Variants in CMIP observed in about 807,000 individuals in gnomAD.
CMIP encodes c-Maf inducing protein, also known as C-Maf-inducing protein.
Under a neutral mutation model 97.3 loss-of-function variants are expected in CMIP, and 13 were observed. The observed-to-expected ratio is 0.13, with a 90% confidence interval of 0.09 to 0.21. The LOEUF is 0.21. Among genes scored for constraint, CMIP ranks in the 10% least tolerant of loss-of-function variants. The pLI is 1.00. For missense variants in CMIP, 847 were observed against 1,024.9 expected (o/e 0.83, Z 2.37); for synonymous variants, 538 against 436.3 (o/e 1.23, Z -2.91).
In CMIP at chr16:81,449,518, G is replaced by T. The variant is rs569129021; in HGVS notation, c.300+3977G>T. On this transcript the variant is annotated intron_variant, in intron 1 of 20. Coordinates refer to ENST00000537098, the MANE Select transcript of CMIP (RefSeq NM_198390.3). ...AAGAATTAAAATCTATGTCCTCCAG[G>T]GTAGTCACAGATCCCACGAGAACTC... Among the ~76,000 whole-genome samples, 5 of 152,220 alleles carry T rather than the reference G, an allele frequency of 3.3e-5. No individual in the cohort carries two copies. The East Asian group carries it at 9.7e-4, about 29-fold the overall frequency.
chr16:81,542,200 G>A (rs1302080392), intron 1 of CMIP, among the ~76,000 whole-genome samples: 1 of 152,224 alleles, frequency 6.6e-6, no homozygotes, highest in African/African-American at 2.4e-5. Flanking sequence ...AAAAGCAGCA[G>A]GAGTTGGTTG....
chr16:81,613,114 G>A (rs1466452322), intron 2 of CMIP, among the ~76,000 whole-genome samples: 1 of 152,212 alleles, frequency 6.6e-6, no homozygotes, highest in Non-Finnish European at 1.5e-5. Flanking sequence ...CCAAAGGAAC[G>A]AGCAGTTTAC....
At chr16:81,469,375 A>G (rs1192680446) in intron 1 of CMIP, among the ~76,000 whole-genome samples, 5 of 152,234 alleles carry the variant, frequency 3.3e-5, no homozygotes, top group Admixed American at 3.3e-4. Flanking sequence ...TTTGTTTTTC[A>G]TCAGTACAAT....
At chr16:81,702,546 T>G in intron 16 of CMIP, 76 bp from the exon 17 acceptor site, 1 of 1,389,488 alleles carries the variant, frequency 7.2e-7, no homozygotes, top group Non-Finnish European at 1.0e-6. Context: ...TCCATGAGTG[T>G]TGTTAACAGA....
chr16:81,552,846 T>C (rs138282579), intron 1 of CMIP, among the ~76,000 whole-genome samples: 3 of 152,292 alleles, frequency 2.0e-5, no homozygotes, highest in African/African-American at 7.2e-5. Flanking sequence ...GCTTTGTTCC[T>C]TCATTGCTGT....
At chr16:81,697,113 G>C (rs531577531) in intron 14 of CMIP, 1 of 203,796 alleles carries the variant, frequency 4.9e-6, no homozygotes, top group African/African-American at 2.4e-5. Flanking sequence ...GTCGCGGTCA[G>C]GGGGATTGTT....
In CMIP at chr16:81,709,937, A is replaced by T; in HGVS notation, c.*138A>T. On this transcript the variant is annotated 3_prime_UTR_variant, in exon 21 of 21. Coordinates refer to ENST00000537098, the MANE Select transcript of CMIP (RefSeq NM_198390.3). The stretch of plus-strand genomic sequence containing the variant: ...AGATGGGGAGTCTTTCTGGGGGCGG[A>T]GGGGGGAGGGGGTGGGGAGGGGGCC... 1 of 5,834 alleles carries T rather than the reference A, an allele frequency of 1.7e-4. No homozygotes were observed. The highest frequency in any genetic ancestry group is 3.3e-4 in the Non-Finnish European group (1 of 3,028). The allele number at this position is 5,834 out of a possible 1,614,324, so 0.4% of individuals were successfully genotyped here. A position where few individuals can be genotyped will look rare whatever the true frequency, so the allele number is the denominator to read the frequency against.
In CMIP at chr16:81,699,026, T is replaced by C. The variant is rs371185577; in HGVS notation, c.1639-659T>C. On this transcript the variant is annotated intron_variant, in intron 14 of 20. Transcript: ENST00000537098. The stretch of plus-strand genomic sequence containing the variant: ...CAGCACTGTGGGAAGCCGAGTTGGG[T>C]GGACCACTTGAGTTCAGGAATTCAA... Among the ~76,000 whole-genome samples, 566 of 152,280 alleles carry C rather than the reference T, an allele frequency of 3.7e-3. 1 individual carries two copies. Among genetic ancestry groups the C allele is most frequent in the African/African-American group, 0.013 (527 of 41,556 alleles).
intron 1 of CMIP, chr16:81,476,016 T>A: frequency 3.2e-6 from 2 of 631,608 alleles, no homozygotes; most frequent in Admixed American, 2.1e-5. Context: ...AAAACATAAG[T>A]CAAACTTTAT....
intron 1 of CMIP, chr16:81,603,371 C>T (rs781611959): frequency 5.1e-5 from 23 of 454,108 alleles, no homozygotes; most frequent in South Asian, 1.2e-4. Flanking sequence ...CGTGAGCCAC[C>T]GCGCCCGGCC....
At position 81,539,116 on chromosome 16, in the gene CMIP, A is replaced by G. The variant is rs74029171; in HGVS notation, c.301-68451A>G. 5.2e-3 allele frequency among the ~76,000 whole-genome samples: 798 copies of G among 152,280 alleles called. 5 individuals carry two copies. The highest frequency in any genetic ancestry group is 0.018 in the African/African-American group (752 of 41,542). The stretch of plus-strand genomic sequence containing the variant: ...GATTCTCCATTCGCTTGAATGTCAT[A>G]TTAGCTGGGGATATCCCTTTTGTGA... On this transcript the variant is annotated intron_variant, in intron 1 of 20. Transcript: ENST00000537098.
At chr16:81,489,963 C>G (rs866204966) in intron 1 of CMIP, among the ~76,000 whole-genome samples, 2 of 152,188 alleles carry the variant, frequency 1.3e-5, no homozygotes, top group South Asian at 4.1e-4. Context: ...TTTCCGGCCA[C>G]CGGGATTCTT....
intron 15 of CMIP, 67 bp from the exon 16 acceptor site, chr16:81,701,593 G>C: frequency 2.5e-6 from 4 of 1,608,232 alleles, no homozygotes; most frequent in Non-Finnish European, 3.4e-6. Context: ...GGCCCTTGGG[G>C]TGCACAGAGT....
intron 4 of CMIP, among the ~76,000 whole-genome samples, chr16:81,653,250 G>C (rs2092448767): frequency 6.6e-6 from 1 of 152,072 alleles, no homozygotes; most frequent in East Asian, 1.9e-4. Context: ...GATACCCCCG[G>C]TCCTGAGTCT....
chr16:81,490,152 G>T (rs2089382983), intron 1 of CMIP, among the ~76,000 whole-genome samples: 1 of 152,178 alleles, frequency 6.6e-6, no homozygotes, highest in South Asian at 2.1e-4. Flanking sequence ...GTAGCTAAAG[G>T]TTCCTGTTCC....
At chr16:81,457,385 A>C (rs28517479) in intron 1 of CMIP, among the ~76,000 whole-genome samples, 10,779 of 152,122 alleles carry the variant, frequency 0.071, 800 homozygotes, top group East Asian at 0.25. Flanking sequence ...AAGAAGAAAA[A>C]AATCCTCCCA....
chr16:81,650,274 G>C (rs2092412405), intron 3 of CMIP, among the ~76,000 whole-genome samples: 1 of 152,200 alleles, frequency 6.6e-6, no homozygotes, highest in African/African-American at 2.4e-5. Context: ...GGGCTGCCCT[G>C]GCCTCCTCTG....
In CMIP at chr16:81,696,895, C is replaced by T. The variant is rs1048823950; in HGVS notation, c.1638+228C>T. The T allele has an allele frequency of 2.1e-5, 12 of 581,778 alleles. No homozygotes were observed. The South Asian group carries it at 2.5e-4, about 12-fold the overall frequency. 36.0% of individuals were successfully genotyped at this position (581,778 alleles called of 1,614,324 possible). On this transcript the variant is annotated intron_variant, in intron 14 of 20. Coordinates refer to ENST00000537098, the MANE Select transcript of CMIP (RefSeq NM_198390.3). ...GCCAAGCACTTGGCTTTCCCAGTTG[C>T]ACTCAGCTCTCACAGCACAGTGAGA...
intron 1 of CMIP, among the ~76,000 whole-genome samples, chr16:81,605,728 C>T (rs1169328328): frequency 6.6e-6 from 1 of 152,226 alleles, no homozygotes; most frequent in East Asian, 1.9e-4. Flanking sequence ...TCATGACACC[C>T]CATTGTGATT....
Sources: gnomAD v4.1 joint callset for allele counts (sites outside exome capture counted in the v4.1 genomes callset) on GRCh38, gnomAD v4.1.1 for gene constraint, MANE v1.5 for transcripts, NCBI Gene and HGNC (gene_info 2026-07-23, HGNC 2026-07-21) for gene names.